Variants in ALCAM observed in about 807,000 individuals in gnomAD.
ALCAM encodes CD166 antigen.
In ALCAM, 30 loss-of-function variants were observed where a neutral mutation model predicts 70.9. The observed-to-expected ratio is 0.42, with a 90% CI of 0.32 to 0.57. The LOEUF is 0.57. ALCAM is among the 20% of genes least tolerant of loss of function. The pLI, the probability that ALCAM is intolerant of heterozygous loss-of-function variation, is 0.11. For synonymous variants in ALCAM, 249 were observed against 242.5 expected (o/e 1.03, Z -0.25); for missense variants, 591 against 695.1 (o/e 0.85, Z 1.68).
At chr3:105,571,594 A>C (rs1215439894) in intron 14 of ALCAM, among the ~76,000 whole-genome samples, 1 of 152,168 alleles carries the variant, frequency 6.6e-6, no homozygotes, top group East Asian at 1.9e-4. Flanking sequence ...ATGATGCACA[A>C]AGTGTTGTAT....
At chr3:105,549,098 A>G (rs577909698) in intron 11 of ALCAM, among the ~76,000 whole-genome samples, 2 of 151,622 alleles carry the variant, frequency 1.3e-5, no homozygotes, top group South Asian at 4.1e-4. Context: ...GTACGAAGTG[A>G]AAAAATAGCA....
chr3:105,415,160 T>A (rs1936477895), intron 1 of ALCAM, among the ~76,000 whole-genome samples: 1 of 152,142 alleles, frequency 6.6e-6, no homozygotes, highest in Non-Finnish European at 1.5e-5. Flanking sequence ...TTCCCGTGCT[T>A]ATTTACTGAA....
chr3:105,417,444 A>ATT (rs979537650), intron 1 of ALCAM, among the ~76,000 whole-genome samples: 6 of 151,208 alleles, frequency 4.0e-5, no homozygotes, highest in African/African-American at 1.5e-4. Flanking sequence ...GATATTTTGT[A>ATT]TTATATATAT....
At chr3:105,409,656 C>A (rs1385594800) in intron 1 of ALCAM, among the ~76,000 whole-genome samples, 1 of 151,802 alleles carries the variant, frequency 6.6e-6, no homozygotes, top group Non-Finnish European at 1.5e-5. Flanking sequence ...CACCACTGAA[C>A]AACTTACTCA....
chr3:105,379,592 T>C (rs892085711), intron 1 of ALCAM, among the ~76,000 whole-genome samples: 14 of 151,768 alleles, frequency 9.2e-5, no homozygotes, highest in African/African-American at 3.4e-4. Context: ...TATTAGAACT[T>C]AGAAAGAAAA....
chr3:105,545,516 C>T (rs532709137), intron 9 of ALCAM, among the ~76,000 whole-genome samples, 181 bp downstream of exon 9: 10 of 151,422 alleles, frequency 6.6e-5, no homozygotes, highest in East Asian at 5.8e-4. Flanking sequence ...GTGCTCAACA[C>T]GGTGACATCC....
At chr3:105,383,053 T>A (rs114550193) in intron 1 of ALCAM, among the ~76,000 whole-genome samples, 526 of 151,860 alleles carry the variant, frequency 3.5e-3, no homozygotes, top group African/African-American at 0.012. Flanking sequence ...GTTATTCACG[T>A]CTCTGTCTTA....
chr3:105,551,892 T>C (rs1402796142), intron 12 of ALCAM, among the ~76,000 whole-genome samples: 5 of 151,626 alleles, frequency 3.3e-5, no homozygotes, highest in Non-Finnish European at 3.0e-5. Context: ...ATTAATTCTA[T>C]AGGTCATCAG....
At chr3:105,557,041 T>G (rs1940535284) in intron 14 of ALCAM, among the ~76,000 whole-genome samples, 1 of 152,108 alleles carries the variant, frequency 6.6e-6, no homozygotes, top group Non-Finnish European at 1.5e-5. Flanking sequence ...CCAAATTCCA[T>G]ATAGTATTTT....
At chr3:105,442,736 G>A (rs1018070275) in intron 1 of ALCAM, among the ~76,000 whole-genome samples, 10 of 151,394 alleles carry the variant, frequency 6.6e-5, no homozygotes, top group Non-Finnish European at 1.5e-4. Context: ...AGCCGAGATC[G>A]CACCACTGCA....
At position 105,404,681 on chromosome 3, in the gene ALCAM, A is replaced by AT. The variant is rs200140035; in HGVS notation, c.73+37200_73+37201insT. On this transcript the variant is annotated intron_variant, in intron 1 of 15. Coordinates refer to ENST00000306107, the MANE Select transcript of ALCAM (RefSeq NM_001627.4). ...TATATAACAATAACACAATGAAAAA[A>AT]AAAACAAGGTATTTAGGAAAAAAAA... Among the ~76,000 whole-genome samples the AT allele has an allele frequency of 3.0e-4, 45 of 151,862 alleles. 1 individual carries two copies. In the East Asian group the frequency reaches 8.0e-3, roughly 27 times the overall value.
intron 1 of ALCAM, among the ~76,000 whole-genome samples, chr3:105,467,237 A>C (rs1937767675): frequency 6.6e-6 from 1 of 151,288 alleles, no homozygotes; most frequent in African/African-American, 2.4e-5. Context: ...ATTTCTATTG[A>C]GAACAGAAAT....
intron 1 of ALCAM, among the ~76,000 whole-genome samples, chr3:105,455,580 A>C (rs2053307): frequency 2.1e-4 from 32 of 151,946 alleles, no homozygotes; most frequent in African/African-American, 7.0e-4. Context: ...GCAGGACTCA[A>C]CTCTGGAGGT....
At chr3:105,472,238 A>G (rs536572994) in intron 1 of ALCAM, among the ~76,000 whole-genome samples, 1 of 151,326 alleles carries the variant, frequency 6.6e-6, no homozygotes, top group East Asian at 1.9e-4. Context: ...TCATTCCTTT[A>G]TGAATTAATT....
At chr3:105,394,984 A>C (rs1312506948) in intron 1 of ALCAM, among the ~76,000 whole-genome samples, 1 of 152,018 alleles carries the variant, frequency 6.6e-6, no homozygotes, top group Non-Finnish European at 1.5e-5. Context: ...ATAAAATGCA[A>C]GCAAGGTAAT....
chr3:105,474,620 C>A (rs1051407850), intron 1 of ALCAM, among the ~76,000 whole-genome samples: 36 of 150,786 alleles, frequency 2.4e-4, no homozygotes, highest in African/African-American at 4.9e-4. Context: ...AGAGAGAGAG[C>A]GAGAAAGAAA....
chr3:105,370,419 A>C lies in ALCAM; in HGVS notation c.73+2938A>C, dbSNP rs548763820. The stretch of plus-strand genomic sequence containing the variant: ...CAGGACATCTACCTTCAGGCACTTG[A>C]GCAAGTCATTTAACCTTTTTGAGCT... On this transcript the variant is annotated intron_variant, in intron 1 of 15. Coordinates refer to ENST00000306107, the MANE Select transcript of ALCAM (RefSeq NM_001627.4). Among the ~76,000 whole-genome samples, 260 of 152,268 alleles carry C rather than the reference A, an allele frequency of 1.7e-3. 2 individuals are homozygous for C. The highest frequency in any genetic ancestry group is 6.1e-3 in the African/African-American group (255 of 41,552).
intron 1 of ALCAM, among the ~76,000 whole-genome samples, chr3:105,385,150 T>A (rs925610280): frequency 1.3e-5 from 2 of 151,564 alleles, no homozygotes; most frequent in Non-Finnish European, 3.0e-5. Context: ...CACAAACATA[T>A]AAAAATATAT....
intron 1 of ALCAM, among the ~76,000 whole-genome samples, chr3:105,461,856 C>T (rs1253717433): frequency 6.6e-6 from 1 of 151,470 alleles, no homozygotes; most frequent in Non-Finnish European, 1.5e-5. Context: ...AAACACTTGT[C>T]TAGGGTATAA....
Sources: gnomAD v4.1 joint callset for allele counts (sites outside exome capture counted in the v4.1 genomes callset) on GRCh38, gnomAD v4.1.1 for gene constraint, MANE v1.5 for transcripts, NCBI Gene and HGNC (gene_info 2026-07-23, HGNC 2026-07-21) for gene names.